Variants in EFNA5 observed in about 807,000 individuals in gnomAD.
EFNA5 encodes the protein ephrin-A5.
A neutral mutation model predicts 22.9 loss-of-function variants in EFNA5; 5 were observed. That is an observed-to-expected ratio of 0.22 (90% CI 0.11 to 0.46). The LOEUF is 0.46. EFNA5 is among the 20% of genes least tolerant of loss of function. The pLI, the probability that EFNA5 is intolerant of heterozygous loss-of-function variation, is 0.99. For missense variants in EFNA5, 237 were observed against 293.3 expected (o/e 0.81, Z 1.40); for synonymous variants, 113 against 112.2 (o/e 1.01, Z -0.04).
At chr5:107,397,544 T>C (rs1467762022) in intron 2 of EFNA5, among the ~76,000 whole-genome samples, 4 of 108,010 alleles carry the variant, frequency 3.7e-5, no homozygotes, top group Admixed American at 3.6e-4. Flanking sequence ...TGAGACTCCA[T>C]CTCAAAAAAA....
At chr5:107,417,289 G>C (rs1443974995) in intron 2 of EFNA5, among the ~76,000 whole-genome samples, 4 of 152,246 alleles carry the variant, frequency 2.6e-5, no homozygotes, top group East Asian at 3.9e-4. Flanking sequence ...CTGGCTGGCT[G>C]TTCTCCAATT....
intron 1 of EFNA5, among the ~76,000 whole-genome samples, chr5:107,601,028 GA>G (rs1344416777): frequency 6.6e-6 from 1 of 152,106 alleles, no homozygotes; most frequent in East Asian, 1.9e-4. Context: ...TGGTAAATGT[GA>G]AAAATTAAAG....
chr5:107,496,936 T>TTGGCTTTA (rs2112421194), intron 1 of EFNA5, among the ~76,000 whole-genome samples: 1 of 152,354 alleles, frequency 6.6e-6, no homozygotes, highest in African/African-American at 2.4e-5. Flanking sequence ...ATTTAGAGTC[T>TTGGCTTTA]TGGCTTTATG....
chr5:107,643,004 CTGAT>C (rs1239144866), intron 1 of EFNA5, among the ~76,000 whole-genome samples: 4 of 150,738 alleles, frequency 2.7e-5, no homozygotes, highest in South Asian at 2.1e-4. Context: ...TATACTTTTC[CTGAT>C]TGAGTCTCAG....
intron 1 of EFNA5, among the ~76,000 whole-genome samples, chr5:107,531,308 A>G (rs1561423804): frequency 6.6e-6 from 1 of 152,206 alleles, no homozygotes; most frequent in Non-Finnish European, 1.5e-5. Context: ...AATGCTGTAC[A>G]TTTTAACTCG....
intron 1 of EFNA5, among the ~76,000 whole-genome samples, chr5:107,586,556 C>T (rs1749189995): frequency 6.6e-6 from 1 of 152,148 alleles, no homozygotes; most frequent in Non-Finnish European, 1.5e-5. Context: ...CCCTAGAGTG[C>T]TTTCACTGGA....
chr5:107,663,558 C>G (rs1751009991), intron 1 of EFNA5, among the ~76,000 whole-genome samples: 1 of 152,042 alleles, frequency 6.6e-6, no homozygotes, highest in South Asian at 2.1e-4. Flanking sequence ...ACTTGATAAG[C>G]TATAATAGAA....
At chr5:107,656,800 C>T (rs1750835401) in intron 1 of EFNA5, among the ~76,000 whole-genome samples, 1 of 151,998 alleles carries the variant, frequency 6.6e-6, no homozygotes, top group Non-Finnish European at 1.5e-5. Flanking sequence ...TTAGATTCAC[C>T]ACTATAAATG....
chr5:107,529,858 T>C (rs1747773051), intron 1 of EFNA5, among the ~76,000 whole-genome samples: 1 of 152,238 alleles, frequency 6.6e-6, no homozygotes, highest in Non-Finnish European at 1.5e-5. Context: ...TAAGACAGCA[T>C]CCTACATACA....
intron 1 of EFNA5, among the ~76,000 whole-genome samples, chr5:107,437,701 G>C (rs1749152967): frequency 6.7e-6 from 1 of 149,828 alleles, no homozygotes; most frequent in Non-Finnish European, 1.5e-5. Flanking sequence ...CGATGAAGAG[G>C]AATGTAGCTG....
intron 1 of EFNA5, among the ~76,000 whole-genome samples, chr5:107,628,101 CA>C (rs1489339905): frequency 2.0e-5 from 3 of 152,124 alleles, no homozygotes; most frequent in African/African-American, 7.2e-5. Context: ...CATAAAATAA[CA>C]CTGTGAGATA....
chr5:107,605,164 C>A (rs928830785), intron 1 of EFNA5, among the ~76,000 whole-genome samples: 12 of 151,892 alleles, frequency 7.9e-5, no homozygotes, highest in African/African-American at 2.9e-4. Flanking sequence ...GGGGGGGAAG[C>A]AGAGCTAACT....
chr5:107,421,470 G>A (rs1748663835), intron 2 of EFNA5, among the ~76,000 whole-genome samples: 1 of 152,108 alleles, frequency 6.6e-6, no homozygotes, highest in African/African-American at 2.4e-5. Context: ...GGACATTTAA[G>A]GAGAATTTCT....
intron 1 of EFNA5, among the ~76,000 whole-genome samples, chr5:107,602,864 A>G (rs1195330918): frequency 6.6e-6 from 1 of 152,156 alleles, no homozygotes; most frequent in Admixed American, 6.6e-5. Context: ...TAATTAGAAG[A>G]GCACAGTGAC....
intron 1 of EFNA5, among the ~76,000 whole-genome samples, chr5:107,583,934 C>A (rs893154706): frequency 6.6e-6 from 1 of 151,306 alleles, no homozygotes; most frequent in African/African-American, 2.4e-5. Flanking sequence ...TGACCACAGA[C>A]CTGCACACTT....
At chr5:107,483,091 T>C (rs180739647) in intron 1 of EFNA5, among the ~76,000 whole-genome samples, 7 of 152,128 alleles carry the variant, frequency 4.6e-5, no homozygotes, top group Admixed American at 3.3e-4. Context: ...TTAATCTTCT[T>C]TATGTAATAG....
chr5:107,477,605 T>C (rs1401743013), intron 1 of EFNA5, among the ~76,000 whole-genome samples: 3 of 152,174 alleles, frequency 2.0e-5, no homozygotes, highest in Non-Finnish European at 4.4e-5. Flanking sequence ...TATTTCTCTA[T>C]ATAACCCTTC....
At chr5:107,660,315 T>TA (rs1750926620) in intron 1 of EFNA5, among the ~76,000 whole-genome samples, 1 of 109,722 alleles carries the variant, frequency 9.1e-6, no homozygotes, top group African/African-American at 3.5e-5. Flanking sequence ...TATATATATA[T>TA]TTGGCAAGTG....
At position 107,613,658 on chromosome 5, in the gene EFNA5, T is replaced by C. The variant is rs570600342; in HGVS notation, c.125+56831A>G. On this transcript the variant is annotated intron_variant, in intron 1 of 4. Coordinates refer to ENST00000333274, the MANE Select transcript of EFNA5 (RefSeq NM_001962.3). ...AAGAGTTACATTGCTAAGTTAAAAATCAAAGTAAATGACCCCAATAAGAGA... is the reference window on the plus strand; with the variant it reads ...AAGAGTTACATTGCTAAGTTAAAAACCAAAGTAAATGACCCCAATAAGAGA... 1.7e-3 allele frequency among the ~76,000 whole-genome samples: 253 copies of C among 152,198 alleles called. 2 individuals carry two copies. Among genetic ancestry groups the C allele is most frequent in the African/African-American group, 5.9e-3 (246 of 41,562 alleles).
Sources: gnomAD v4.1 joint callset for allele counts (sites outside exome capture counted in the v4.1 genomes callset) on GRCh38, gnomAD v4.1.1 for gene constraint, MANE v1.5 for transcripts, NCBI Gene and HGNC (gene_info 2026-07-23, HGNC 2026-07-21) for gene names.